The following ARL14EPL variants were observed in gnomAD, a reference collection of about 807,000 sequenced individuals.
ARL14EPL encodes ARL14 effector protein-like.
A neutral mutation model predicts 15.9 loss-of-function variants in ARL14EPL; 17 were observed. The ratio of observed to expected loss-of-function variants is 1.07; its 90% CI spans 0.73 to 1.60. ARL14EPL has a LOEUF of 1.60. ARL14EPL is among the 40% of genes most tolerant of loss of function. ARL14EPL has a pLI of 0.00. For synonymous variants in ARL14EPL, 78 were observed against 63.8 expected (o/e 1.22, Z -1.06); for missense variants, 214 against 185.9 (o/e 1.15, Z -0.88).
Position 116,059,187 on chromosome 5 carries a change from T to C in ARL14EPL, c.*240T>C. 1 of 496,840 alleles carries C rather than the reference T, an allele frequency of 2.0e-6. No individual in the cohort carries two copies. The highest frequency in any genetic ancestry group is 3.6e-6 in the Non-Finnish European group (1 of 275,364). 30.8% of individuals were successfully genotyped at this position (496,840 alleles called of 1,614,324 possible). ...AATGTAACAATGGAGGGATCAGCATTTCTCATCAGCACCCTCATCTCTACT... is the reference window on the plus strand; with the variant it reads ...AATGTAACAATGGAGGGATCAGCATCTCTCATCAGCACCCTCATCTCTACT... On this transcript the variant is annotated 3_prime_UTR_variant, in exon 4 of 4. Transcript: ENST00000686077.
At chr5:116,037,800 A>G (rs1180060493) in intron 1 of ARL14EPL, among the ~76,000 whole-genome samples, 2 of 152,228 alleles carry the variant, frequency 1.3e-5, no homozygotes, top group African/African-American at 4.8e-5. Context: ...TATGATTACT[A>G]TCTAACTGTT....
At chr5:116,056,606 A>C (rs1179217283) in intron 3 of ARL14EPL, among the ~76,000 whole-genome samples, 1 of 151,792 alleles carries the variant, frequency 6.6e-6, no homozygotes, top group Admixed American at 6.6e-5. Flanking sequence ...TTGCCTGTTC[A>C]CTCTGATGGT....
At chr5:116,048,233 T>C (rs1369422528) in intron 1 of ARL14EPL, among the ~76,000 whole-genome samples, 1 of 152,152 alleles carries the variant, frequency 6.6e-6, no homozygotes, top group African/African-American at 2.4e-5. Context: ...ATTAACCTGA[T>C]TTCACACTTT....
chr5:116,044,991 G>A (rs1749236984), intron 1 of ARL14EPL, among the ~76,000 whole-genome samples: 1 of 152,034 alleles, frequency 6.6e-6, no homozygotes, highest in Non-Finnish European at 1.5e-5. Context: ...TCTTCATGAG[G>A]CAACTCACAT....
Position 116,059,196 on chromosome 5 carries a change from G to A in ARL14EPL, c.*249G>A, listed in dbSNP as rs1192320831. ...ATGGAGGGATCAGCATTTCTCATCA[G>A]CACCCTCATCTCTACTCTGCCTTCA... On this transcript the variant is annotated 3_prime_UTR_variant, in exon 4 of 4. Coordinates refer to ENST00000686077, the MANE Select transcript of ARL14EPL (RefSeq NM_001195581.2). 4.2e-5 allele frequency: 20 copies of A among 476,334 alleles called. No homozygotes were observed. In the East Asian group the frequency reaches 7.5e-4, roughly 18 times the overall value. The allele number at this position is 476,334 out of a possible 1,614,324, so 29.5% of individuals were successfully genotyped here. A position where few individuals can be genotyped will look rare whatever the true frequency, so the allele number is the denominator to read the frequency against.
chr5:116,045,541 T>A (rs1290669735), intron 1 of ARL14EPL, among the ~76,000 whole-genome samples: 1 of 152,180 alleles, frequency 6.6e-6, no homozygotes, highest in Non-Finnish European at 1.5e-5. Flanking sequence ...CCCTTTTAGA[T>A]GCTGATCTGT....
intron 1 of ARL14EPL, among the ~76,000 whole-genome samples, chr5:116,033,093 C>T (rs570431647): frequency 2.0e-5 from 3 of 152,230 alleles, no homozygotes; most frequent in Admixed American, 2.0e-4. Context: ...GCCCCCACAC[C>T]CGGCCTATAG....
At chr5:116,058,466 A>G (rs1749570028) in intron 3 of ARL14EPL, among the ~76,000 whole-genome samples, 1 of 152,220 alleles carries the variant, frequency 6.6e-6, no homozygotes, top group South Asian at 2.1e-4. Context: ...GTGTTACTCT[A>G]GATGACAAGC....
chr5:116,040,942 T>A (rs546102596), intron 1 of ARL14EPL, among the ~76,000 whole-genome samples: 11 of 119,632 alleles, frequency 9.2e-5, no homozygotes, highest in African/African-American at 3.6e-4. Flanking sequence ...ATAGCGCCAC[T>A]GCACTCCAGC....
intron 2 of ARL14EPL, chr5:116,052,307 C>G: frequency 8.6e-7 from 1 of 1,163,548 alleles, no homozygotes; most frequent in Non-Finnish European, 1.3e-6. Flanking sequence ...AGAGTAGCAG[C>G]AGACACCGCA....
At chr5:116,036,381 A>C in intron 1 of ARL14EPL, among the ~76,000 whole-genome samples, 1 of 147,694 alleles carries the variant, frequency 6.8e-6, no homozygotes, top group East Asian at 2.0e-4. Context: ...TGGAAATAAC[A>C]GGCAGTGCTT....
intron 1 of ARL14EPL, among the ~76,000 whole-genome samples, chr5:116,044,508 T>C (rs1286640829): frequency 6.6e-6 from 1 of 152,108 alleles, no homozygotes; most frequent in East Asian, 1.9e-4. Context: ...TGTGTATATA[T>C]ATATGTATAT....
At chr5:116,038,775 G>A (rs578261158) in intron 1 of ARL14EPL, among the ~76,000 whole-genome samples, 32 of 151,722 alleles carry the variant, frequency 2.1e-4, no homozygotes, top group Non-Finnish European at 4.1e-4. Flanking sequence ...TGAAAAGCAC[G>A]TTCTATGACT....
At chr5:116,040,083 C>G (rs140228709) in intron 1 of ARL14EPL, among the ~76,000 whole-genome samples, 6 of 152,098 alleles carry the variant, frequency 3.9e-5, no homozygotes, top group African/African-American at 1.4e-4. Context: ...CTTAGCAACT[C>G]GAAACCTAGG....
intron 1 of ARL14EPL, among the ~76,000 whole-genome samples, chr5:116,043,911 TA>T: frequency 6.6e-6 from 1 of 152,322 alleles, no homozygotes; most frequent in East Asian, 1.9e-4. Context: ...GCTAATTGTC[TA>T]AAAGCAAGGT....
chr5:116,035,058 A>C (rs1749024766), intron 1 of ARL14EPL, among the ~76,000 whole-genome samples: 1 of 152,174 alleles, frequency 6.6e-6, no homozygotes, highest in Admixed American at 6.5e-5. Context: ...TCAATGTTCT[A>C]ATGCTTGCAC....
At chr5:116,055,730 G>T (rs1749501569) in intron 3 of ARL14EPL, among the ~76,000 whole-genome samples, 1 of 151,972 alleles carries the variant, frequency 6.6e-6, no homozygotes, top group Non-Finnish European at 1.5e-5. Flanking sequence ...CATGTGCCAT[G>T]TTGGTGTACT....
In ARL14EPL at chr5:116,058,844, A is replaced by G; in HGVS notation, c.356A>G (p.Lys119Arg). ...CCATGCCCGAAGTGTAACTCCAACA[A>G]GTGTGGGCCCGAGTGCCGCTGCAAC... is the stretch of plus-strand genomic sequence containing the variant. ...FYPCPKCNSN[K>R]CGPECRCNRR... The change falls in exon 4 of 4, where the codon AAG (lysine) becomes AGG (arginine). Residue 119 changes from lysine to arginine, a missense_variant. Lys to Arg is a conservative substitution (Grantham distance 26, BLOSUM62 2). Transcript: ENST00000686077. 2.0e-6 allele frequency: 3 copies of G among 1,535,730 alleles called. No individual in the cohort carries two copies. Among genetic ancestry groups the G allele is most frequent in the Non-Finnish European group, 2.6e-6 (3 of 1,146,574 alleles).
intron 1 of ARL14EPL, among the ~76,000 whole-genome samples, chr5:116,042,842 T>C (rs532996054): frequency 6.6e-6 from 1 of 152,314 alleles, no homozygotes; most frequent in African/African-American, 2.4e-5. Context: ...TAATCCTTCT[T>C]CCTTACATGA....
Sources: gnomAD v4.1 joint callset for allele counts (sites outside exome capture counted in the v4.1 genomes callset) on GRCh38, gnomAD v4.1.1 for gene constraint, MANE v1.5 for transcripts, NCBI Gene and HGNC (gene_info 2026-07-23, HGNC 2026-07-21) for gene names.